PLEKHA5: variants seen among roughly 807,000 people sequenced by gnomAD.
PLEKHA5 encodes the protein pleckstrin homology domain-containing family A member 5.
PLEKHA5 carries 55 observed loss-of-function variants against 181.9 expected under a neutral mutation model. The ratio of observed to expected loss-of-function variants is 0.30; its 90% CI spans 0.24 to 0.38. The LOEUF is 0.38. Ranked by LOEUF, PLEKHA5 falls within the 10% of genes least tolerant of loss-of-function variation. The pLI is 1.00. For missense variants in PLEKHA5, 1,432 were observed against 1,549.5 expected (o/e 0.92, Z 1.27); for synonymous variants, 535 against 529.4 (o/e 1.01, Z -0.15).
At chr12:19,334,893 A>G (rs1304550107) in intron 20 of PLEKHA5, among the ~76,000 whole-genome samples, 2 of 79,362 alleles carry the variant, frequency 2.5e-5, no homozygotes, top group Non-Finnish European at 7.2e-5. Context: ...CACACACACA[A>G]AATATTAGCC....
At chr12:19,213,563 G>A (rs539303564) in intron 3 of PLEKHA5, among the ~76,000 whole-genome samples, 1 of 152,278 alleles carries the variant, frequency 6.6e-6, no homozygotes, top group Non-Finnish European at 1.5e-5. Context: ...TTCAGTAGGG[G>A]AGCAGAACAG....
chr12:19,318,503 TG>T (rs1175358362), intron 16 of PLEKHA5, among the ~76,000 whole-genome samples: 2 of 152,240 alleles, frequency 1.3e-5, no homozygotes, highest in East Asian at 1.9e-4. Context: ...AATATACTAA[TG>T]TTTTTTTCTG....
At chr12:19,219,520 T>C in intron 3 of PLEKHA5, among the ~76,000 whole-genome samples, 1 of 152,074 alleles carries the variant, frequency 6.6e-6, no homozygotes. Context: ...CCCTTCTTTT[T>C]TTTTTTTTTA....
At chr12:19,169,371 C>G (rs1329195680) in intron 3 of PLEKHA5, among the ~76,000 whole-genome samples, 1 of 152,142 alleles carries the variant, frequency 6.6e-6, no homozygotes, top group Non-Finnish European at 1.5e-5. Context: ...TGAGCCCTTT[C>G]TCCCTGCCTA....
chr12:19,360,320 A>G (rs1592631605), intron 28 of PLEKHA5, among the ~76,000 whole-genome samples: 1 of 151,592 alleles, frequency 6.6e-6, no homozygotes, highest in East Asian at 2.0e-4. Flanking sequence ...AAAACAAAAA[A>G]AACGTGGCGG....
chr12:19,214,145 G>T (rs2057491080), intron 3 of PLEKHA5, among the ~76,000 whole-genome samples: 1 of 152,158 alleles, frequency 6.6e-6, no homozygotes, highest in Non-Finnish European at 1.5e-5. Flanking sequence ...CAAATGTCTA[G>T]CTGCTGTGTA....
chr12:19,131,887 C>T (rs532207598), intron 2 of PLEKHA5, among the ~76,000 whole-genome samples: 1 of 152,164 alleles, frequency 6.6e-6, no homozygotes, highest in East Asian at 1.9e-4. Flanking sequence ...GAAACACACA[C>T]GGAAGTATTC....
chr12:19,285,474 G>A (rs2077019115), intron 12 of PLEKHA5, among the ~76,000 whole-genome samples: 1 of 152,174 alleles, frequency 6.6e-6, no homozygotes, highest in South Asian at 2.1e-4. Context: ...ATCTAGATCA[G>A]TGGTTCTTAA....
chr12:19,185,088 A>T (rs146534932), intron 3 of PLEKHA5, among the ~76,000 whole-genome samples: 1 of 151,458 alleles, frequency 6.6e-6, no homozygotes, highest in Non-Finnish European at 1.5e-5. Context: ...CTTCTTCTCT[A>T]TACCTTTTTT....
intron 20 of PLEKHA5, among the ~76,000 whole-genome samples, chr12:19,334,967 A>G (rs2093284847): frequency 1.7e-5 from 2 of 115,608 alleles, no homozygotes; most frequent in East Asian, 5.1e-4. Context: ...TTCTTCACCT[A>G]AGATTTTTTT....
chr12:19,161,510 A>G (rs2042960579), intron 3 of PLEKHA5, among the ~76,000 whole-genome samples: 1 of 152,012 alleles, frequency 6.6e-6, no homozygotes, highest in South Asian at 2.1e-4. Context: ...CTCCCACCCC[A>G]TCTCCGTGTC....
intron 20 of PLEKHA5, among the ~76,000 whole-genome samples, chr12:19,323,016 A>ATTTTTTTTTT (rs538132540): frequency 4.3e-5 from 4 of 92,764 alleles, no homozygotes; most frequent in African/African-American, 1.3e-4. Context: ...ACCTGGCTAG[A>ATTTTTTTTTT]TTTTTTTTTT....
chr12:19,309,521 C>T (rs550652403), intron 15 of PLEKHA5, among the ~76,000 whole-genome samples: 20 of 151,980 alleles, frequency 1.3e-4, no homozygotes, highest in Non-Finnish European at 2.5e-4. Context: ...TTTGGGAGGC[C>T]GAGGCGGGCG....
intron 3 of PLEKHA5, among the ~76,000 whole-genome samples, chr12:19,142,944 T>C (rs1402767873): frequency 6.6e-6 from 1 of 152,236 alleles, no homozygotes; most frequent in Non-Finnish European, 1.5e-5. Context: ...GTTCTATCTA[T>C]GTTGTCACAA....
In PLEKHA5 at chr12:19,320,588, A is replaced by G. The variant is rs2090391775; in HGVS notation, c.2181A>G (p.Thr727=). 6.6e-7 allele frequency: 1 copy of G among 1,520,526 alleles called. No homozygotes were observed. The allele number at this position is 1,520,526 out of a possible 1,614,324, so 94.2% of individuals were successfully genotyped here. A position where few individuals can be genotyped will look rare whatever the true frequency, so the allele number is the denominator to read the frequency against. Residue 727 remains threonine, a synonymous_variant, in exon 18 of 32, where the codon ACA becomes ACG. Transcript: ENST00000429027. The stretch of plus-strand genomic sequence containing the variant: ...TGTCACAAGATGAAGGTAGAGGCAC[A>G]TTATACAAATACAGACCTGAAGAAG... ...YCLSQDEGRG[T]LYKYRPEEVD...
chr12:19,308,108 G>C (rs1174141962), intron 15 of PLEKHA5, among the ~76,000 whole-genome samples: 1 of 152,116 alleles, frequency 6.6e-6, no homozygotes, highest in East Asian at 1.9e-4. Context: ...AGGAAAAAAA[G>C]AGAAGAAAGC....
intron 16 of PLEKHA5, among the ~76,000 whole-genome samples, chr12:19,315,956 A>G (rs1208852985): frequency 3.3e-5 from 5 of 152,146 alleles, no homozygotes; most frequent in Non-Finnish European, 1.5e-5. Context: ...AATTTGCAAT[A>G]AAGAGATTAA....
At chr12:19,322,427 A>T in intron 19 of PLEKHA5, 37 bp downstream of exon 19, 1 of 1,569,020 alleles carries the variant, frequency 6.4e-7, no homozygotes. Flanking sequence ...AATTGATGTT[A>T]CTTAATATGA....
intron 23 of PLEKHA5, among the ~76,000 whole-genome samples, chr12:19,346,539 G>T (rs1387387691): frequency 6.6e-6 from 1 of 152,092 alleles, no homozygotes; most frequent in Non-Finnish European, 1.5e-5. Context: ...GGGAGGCTGA[G>T]CCAGGAGGAT....
Sources: allele counts gnomAD v4.1 joint callset (sites outside exome capture counted in the v4.1 genomes callset), GRCh38; gene constraint gnomAD v4.1.1; transcripts MANE v1.5; gene names NCBI Gene and HGNC (gene_info 2026-07-23, HGNC 2026-07-21).